The following PAK4 variants were observed in gnomAD, a reference collection of about 807,000 sequenced individuals.
PAK4 encodes p21 (RAC1) activated kinase 4.
In PAK4, 49 loss-of-function variants were observed where a neutral mutation model predicts 53.5. The ratio of observed to expected loss-of-function variants is 0.92; its 90% confidence interval spans 0.73 to 1.16. The LOEUF (loss-of-function observed/expected upper bound fraction) is 1.16, where lower values mean the gene tolerates loss of function less well. PAK4 is among the 50% of genes most tolerant of loss of function. The pLI is 0.00. For missense variants in PAK4, 824 were observed against 850.7 expected, an observed-to-expected ratio of 0.97 and a Z score of 0.39; for synonymous variants, 376 against 375.6, an observed-to-expected ratio of 1.00 and a Z score of -0.01.
chr19:39,149,673 G>A (rs1382097858), intron 1 of PAK4, among the ~76,000 whole-genome samples: 1 of 152,140 alleles, frequency 6.6e-6, no homozygotes, highest in African/African-American at 2.4e-5. Context: ...TGGCTAACAC[G>A]ATGAAACCCT....
intron 1 of PAK4, among the ~76,000 whole-genome samples, chr19:39,166,878 G>C (rs2074384857): frequency 6.6e-6 from 1 of 152,234 alleles, no homozygotes; most frequent in East Asian, 1.9e-4. Context: ...TGGGGTCCCT[G>C]CCTGGTCATT....
At chr19:39,171,208 GTTTTTTTTT>G (rs34497285) in intron 2 of PAK4, among the ~76,000 whole-genome samples, 3 of 135,468 alleles carry the variant, frequency 2.2e-5, no homozygotes, top group Admixed American at 7.4e-5. Context: ...CTCCCTGTTG[GTTTTTTTTT>G]TTTTTTTTTT....
At chr19:39,162,481 T>C (rs1290474160) in intron 1 of PAK4, among the ~76,000 whole-genome samples, 3 of 152,150 alleles carry the variant, frequency 2.0e-5, no homozygotes, top group African/African-American at 7.2e-5. Context: ...TTGCCCAAGC[T>C]GATCTTGAAC....
chr19:39,164,258 CAA>C (rs2074332017), intron 1 of PAK4, among the ~76,000 whole-genome samples: 1 of 99,680 alleles, frequency 1.0e-5, no homozygotes, highest in Admixed American at 1.4e-4. Flanking sequence ...GCCTGGGCAA[CAA>C]GAGTGAAACT....
intron 1 of PAK4, among the ~76,000 whole-genome samples, chr19:39,155,567 G>A (rs910368643): frequency 6.6e-6 from 1 of 152,192 alleles, no homozygotes; most frequent in South Asian, 2.1e-4. Context: ...AGGAGAAACA[G>A]TTACACCTGC....
intron 1 of PAK4, among the ~76,000 whole-genome samples, chr19:39,129,907 T>C (rs1284968377): frequency 6.6e-6 from 1 of 151,950 alleles, no homozygotes; most frequent in East Asian, 1.9e-4. Context: ...GGAGGATGGG[T>C]GAGGCCTTGT....
intron 1 of PAK4, among the ~76,000 whole-genome samples, chr19:39,127,201 A>G (rs546796263): frequency 1.3e-5 from 2 of 151,854 alleles, no homozygotes; most frequent in East Asian, 1.9e-4. Context: ...CGGGGTGTTC[A>G]CTGTTCTTAA....
rs370979504 is a variant in PAK4, at chr19:39,173,320, C to T, written c.607C>T (p.Arg203Trp). ...CAGTGGGGCGAAACTGGCAGCTGGC[C>T]GGCCCTTTAACACCTACCCGAGGGC... is the stretch of plus-strand genomic sequence containing the variant. Residue 203 changes from arginine (R) to tryptophan (W), a missense_variant, in exon 3 of 9, where the codon CGG becomes TGG. By Grantham distance (101) the Arg-to-Trp change is moderately radical. Coordinates refer to ENST00000358301, the Ensembl canonical transcript of PAK4. This position sits in a 1 kb window ranked among gnomAD's most constrained non-coding sequence, Gnocchi z 6.9. 22 of 1,596,008 alleles carry T rather than the reference C, an allele frequency of 1.4e-5. No individual in the cohort carries two copies. Among genetic ancestry groups the T allele is most frequent in the East Asian group, 4.5e-5 (2 of 44,512 alleles).
intron 1 of PAK4, among the ~76,000 whole-genome samples, chr19:39,159,918 T>G (rs1217186470): frequency 6.6e-6 from 1 of 152,228 alleles, no homozygotes; most frequent in Admixed American, 6.5e-5. Flanking sequence ...ATCTGTGTCT[T>G]TATGGGCTTT....
At chr19:39,148,531 T>A (rs1021557865) in intron 1 of PAK4, among the ~76,000 whole-genome samples, 4 of 126,014 alleles carry the variant, frequency 3.2e-5, no homozygotes, top group African/African-American at 1.2e-4. Flanking sequence ...GTGGGCTCAC[T>A]GCAGCCTCTG....
At chr19:39,158,923 G>GTTCATTCA (rs1007846443) in intron 1 of PAK4, among the ~76,000 whole-genome samples, 52 of 152,298 alleles carry the variant, frequency 3.4e-4, no homozygotes, top group African/African-American at 1.2e-3. Context: ...TAGTGTGTTT[G>GTTCATTCA]TTCATTCATT....
intron 2 of PAK4, among the ~76,000 whole-genome samples, chr19:39,170,403 G>A (rs1215199459): frequency 3.3e-5 from 5 of 152,126 alleles, no homozygotes; most frequent in Non-Finnish European, 2.9e-5. Context: ...TGGCAAGGTT[G>A]GGATTTGAAC....
chr19:39,172,377 AC>A (rs1368995777), intron 2 of PAK4, among the ~76,000 whole-genome samples: 4 of 152,198 alleles, frequency 2.6e-5, no homozygotes, highest in Admixed American at 2.6e-4. Context: ...TGCATTTGCC[AC>A]CCGGCTCCTG....
intron 1 of PAK4, among the ~76,000 whole-genome samples, chr19:39,148,707 A>G (rs550664): frequency 0.62 from 92,940 of 150,254 alleles, 28,888 homozygotes; most frequent in East Asian, 0.82. Context: ...CGCCTGCCTC[A>G]GCCTCCCAAA....
At chr19:39,174,968 TGGA>T in exon 5 of PAK4, 2 of 1,613,648 alleles carry the variant, frequency 1.2e-6, no homozygotes, top group Non-Finnish European at 1.7e-6. Flanking sequence ...GAGAATGTGG[TGGA>T]GATGTACAAC....
intron 7 of PAK4, among the ~76,000 whole-genome samples, 159 bp downstream of exon 8, chr19:39,176,874 C>CTTTTTTTTTTTTTTTT (rs34636072): frequency 6.8e-6 from 1 of 146,956 alleles, no homozygotes; most frequent in African/African-American, 2.5e-5. Flanking sequence ...ATTCATTCTT[C>CTTTTTTTTTTTTTTTT]TTTTTTTTTT....
rs375237412 is a variant in PAK4, at chr19:39,144,821, G to A, written c.-23+18902G>A. Among the ~76,000 whole-genome samples the A allele has an allele frequency of 1.7e-4, 26 of 152,188 alleles. No homozygotes were observed. The East Asian group carries it at 3.5e-3, about 20-fold the overall frequency. On this transcript the variant is annotated intron_variant, in intron 1 of 8. Coordinates refer to ENST00000358301, the Ensembl canonical transcript of PAK4. ...ACTTGTGCTCATTGTAAAGAGAGACGGTAAAGAAATGAGGAGAGACTGCAG... is the reference window on the plus strand; with the variant it reads ...ACTTGTGCTCATTGTAAAGAGAGACAGTAAAGAAATGAGGAGAGACTGCAG...
At chr19:39,169,619 C>T in exon 2 of PAK4, 1 of 1,613,784 alleles carries the variant, frequency 6.2e-7, no homozygotes, top group Non-Finnish European at 8.5e-7. Flanking sequence ...ACCGCGTGCA[C>T]ACGGGCTTCG....
rs143630754 is a variant in PAK4, at chr19:39,158,282, C to T, written c.-22-11250C>T. 6.8e-3 allele frequency among the ~76,000 whole-genome samples: 1,039 copies of T among 152,266 alleles called. 19 individuals carry two copies. The highest frequency in any genetic ancestry group is 0.023 in the African/African-American group (952 of 41,554). On this transcript the variant is annotated intron_variant, in intron 1 of 8. Transcript: ENST00000358301. ...GCATGTGTTGCGGGATGGCTTCGCT[C>T]GCTGCTGTGTGTTGGGTCTGTGAGG... is the stretch of plus-strand genomic sequence containing the variant.
Sources: allele counts gnomAD v4.1 joint callset (sites outside exome capture counted in the v4.1 genomes callset), GRCh38; gene constraint gnomAD v4.1.1; non-coding constraint Gnocchi (gnomAD v3.1); transcripts MANE v1.5; gene names NCBI Gene and HGNC (gene_info 2026-07-23, HGNC 2026-07-21).